The following PMFBP1 variants were observed in gnomAD, a reference collection of about 807,000 sequenced individuals.
PMFBP1 encodes polyamine-modulated factor 1-binding protein 1.
In PMFBP1, 131 loss-of-function variants were observed where a neutral mutation model predicts 137.8. The observed-to-expected ratio is 0.95, with a 90% confidence interval of 0.82 to 1.10. The LOEUF (loss-of-function observed/expected upper bound fraction) is 1.10, where lower values mean the gene tolerates loss of function less well. Among genes scored for constraint, PMFBP1 ranks in the 50% least tolerant of loss-of-function variants. The probability of loss-of-function intolerance (pLI) is 0.00; values close to 1 mark genes in which losing one functional copy is unlikely to be tolerated. For synonymous variants in PMFBP1, 490 were observed against 450.4 expected (o/e 1.09, Z -1.11); for missense variants, 1,199 against 1,175.4 (o/e 1.02, Z -0.29).
chr16:72,129,225 C>A lies in PMFBP1; in HGVS notation c.1791G>T (p.Glu597Asp). Residue 597 changes from glutamate (E) to aspartate (D), a missense_variant, in exon 13 of 21, where the codon GAG becomes GAT. Coordinates refer to ENST00000237353, the MANE Select transcript of PMFBP1 (RefSeq NM_031293.3). ...MLDRIKHQHR[E>D]QGSIKCKLEE... Reference sequence around the variant, plus strand: ...CTAACTTGCATTTGATGGAGCCTTGCTCCCTGTGCTGAAAAAATAAAGACT... The same window carrying A: ...CTAACTTGCATTTGATGGAGCCTTGATCCCTGTGCTGAAAAAATAAAGACT... 6.2e-7 allele frequency: 1 copy of A among 1,611,138 alleles called. No individual in the cohort carries two copies. The highest frequency in any genetic ancestry group is 8.5e-7 in the Non-Finnish European group (1 of 1,179,850).
At chr16:72,200,011 T>C in the PMFBP1 span, among the ~76,000 whole-genome samples, 1 of 152,246 alleles carries the variant, frequency 6.6e-6, no homozygotes, top group Non-Finnish European at 1.5e-5. Flanking sequence ...CAGTGAATTT[T>C]ATATCAGCAG....
At chr16:72,140,019 A>T (rs1314049108) in intron 6 of PMFBP1, among the ~76,000 whole-genome samples, 1 of 152,242 alleles carries the variant, frequency 6.6e-6, no homozygotes, top group Non-Finnish European at 1.5e-5. Flanking sequence ...TGAACTATAC[A>T]TGGAATTCTG....
chr16:72,146,438 G>T (rs138583620), intron 5 of PMFBP1, among the ~76,000 whole-genome samples: 1 of 152,206 alleles, frequency 6.6e-6, no homozygotes, highest in East Asian at 1.9e-4. Context: ...GGCAAAAACC[G>T]GAAGCATTCC....
chr16:72,194,935 C>T, the PMFBP1 span, among the ~76,000 whole-genome samples: 1 of 152,234 alleles, frequency 6.6e-6, no homozygotes, highest in African/African-American at 2.4e-5. Flanking sequence ...ATTTTACACT[C>T]ATCAATTTAG....
rs533339496 is a variant in PMFBP1, at chr16:72,128,835, T to C, written c.1951-41A>G. The C allele has an allele frequency of 3.7e-6, 6 of 1,611,318 alleles. No individual in the cohort carries two copies. In the South Asian group the frequency reaches 5.5e-5, roughly 15 times the overall value. The stretch of plus-strand genomic sequence containing the variant: ...AGAACAAAGCACAGCAAAGAGGTGT[T>C]AATCTCAGATAACTATAAAAGCCCC... On this transcript the variant is annotated intron_variant, in intron 13 of 20. Coordinates refer to ENST00000237353, the MANE Select transcript of PMFBP1 (RefSeq NM_031293.3).
chr16:72,246,396 G>C, the PMFBP1 span, among the ~76,000 whole-genome samples: 1 of 152,088 alleles, frequency 6.6e-6, no homozygotes, highest in Admixed American at 6.6e-5. Context: ...CTACTGTGAG[G>C]AACAGCTGAA....
the PMFBP1 span, among the ~76,000 whole-genome samples, chr16:72,217,396 T>A: frequency 6.6e-6 from 1 of 152,124 alleles, no homozygotes; most frequent in Non-Finnish European, 1.5e-5. Flanking sequence ...ATGACACAAT[T>A]TACTTCTTCA....
intron 5 of PMFBP1, among the ~76,000 whole-genome samples, chr16:72,147,756 A>G (rs1018640540): frequency 6.6e-6 from 1 of 152,232 alleles, no homozygotes; most frequent in Non-Finnish European, 1.5e-5. Flanking sequence ...TGCAGCCAAG[A>G]AAGATATGAA....
chr16:72,186,458 T>G, the PMFBP1 span, among the ~76,000 whole-genome samples: 13 of 152,072 alleles, frequency 8.5e-5, no homozygotes, highest in African/African-American at 4.8e-5. Context: ...AAGCTGAAGC[T>G]GGAAGAGAAG....
At chr16:72,158,780 G>C (rs1011656798) in intron 3 of PMFBP1, among the ~76,000 whole-genome samples, 1 of 152,148 alleles carries the variant, frequency 6.6e-6, no homozygotes, top group African/African-American at 2.4e-5. Context: ...AATGGCTTGA[G>C]ATGAGGAGTT....
At chr16:72,124,410 G>A (rs549394836) in intron 17 of PMFBP1, among the ~76,000 whole-genome samples, 1 of 152,208 alleles carries the variant, frequency 6.6e-6, no homozygotes, top group Non-Finnish European at 1.5e-5. Context: ...GGTGGGCCTG[G>A]GACAAGCCCA....
At chr16:72,180,310 T>C (rs374954011), upstream of PMFBP1, among the ~76,000 whole-genome samples, 30 of 152,328 alleles carry the variant, frequency 2.0e-4, 2 homozygotes, top group Admixed American at 1.0e-3. Flanking sequence ...CCACAGCTCT[T>C]GTAGATTGTA....
intron 4 of PMFBP1, 139 bp from the exon 5 acceptor site, chr16:72,150,968 T>A: frequency 1.4e-6 from 1 of 727,298 alleles, no homozygotes; most frequent in Non-Finnish European, 2.3e-6. Flanking sequence ...TGCACAGATC[T>A]AAAAGCTACA....
the PMFBP1 span, among the ~76,000 whole-genome samples, chr16:72,242,115 AATTCCAAAATG>A: frequency 6.6e-6 from 1 of 152,280 alleles, no homozygotes; most frequent in East Asian, 1.9e-4. Flanking sequence ...TATAGTGCAT[AATTCCAAAATG>A]GCAGCTTTTT....
intron 6 of PMFBP1, 138 bp downstream of exon 6, chr16:72,140,274 T>C (rs1442594072): frequency 2.3e-6 from 2 of 856,838 alleles, no homozygotes; most frequent in South Asian, 1.7e-5. Flanking sequence ...ATGAACAAAG[T>C]TGGGGGGCAA....
At chr16:72,201,021 T>G in the PMFBP1 span, among the ~76,000 whole-genome samples, 1 of 152,164 alleles carries the variant, frequency 6.6e-6, no homozygotes, top group South Asian at 2.1e-4. Context: ...CACTTAATGT[T>G]TCCCCATTTA....
chr16:72,124,992 C>T, intron 16 of PMFBP1, 58 bp from the exon 17 acceptor site: 1 of 1,586,460 alleles, frequency 6.3e-7, no homozygotes, highest in Non-Finnish European at 8.6e-7. Context: ...GACCGCAGGA[C>T]CCACAAGGCC....
chr16:72,136,354 G>A, intron 9 of PMFBP1, 94 bp downstream of exon 9: 1 of 1,437,942 alleles, frequency 7.0e-7, no homozygotes, highest in Non-Finnish European at 9.5e-7. Flanking sequence ...GGCTCCCAAA[G>A]CAATAATGGT....
At chr16:72,215,787 C>CA in the PMFBP1 span, among the ~76,000 whole-genome samples, 61 of 152,246 alleles carry the variant, frequency 4.0e-4, no homozygotes, top group African/African-American at 1.4e-3. Flanking sequence ...TTGGCTCATA[C>CA]AAAAGGTTGG....
Sources: allele counts gnomAD v4.1 joint callset (sites outside exome capture counted in the v4.1 genomes callset), GRCh38; gene constraint gnomAD v4.1.1; transcripts MANE v1.5; gene names NCBI Gene and HGNC (gene_info 2026-07-23, HGNC 2026-07-21).